STIL: variants seen among roughly 807,000 people sequenced by gnomAD.
STIL encodes the protein SCL-interrupting locus protein.
In STIL, 55 loss-of-function variants were observed where a neutral mutation model predicts 110.1. That is an observed-to-expected ratio of 0.50 (90% CI 0.40 to 0.63). The LOEUF (loss-of-function observed/expected upper bound fraction) is 0.63, where lower values mean the gene tolerates loss of function less well. STIL is among the 20% of genes least tolerant of loss of function. The pLI, the probability that STIL is intolerant of heterozygous loss-of-function variation, is 0.00. For synonymous variants in STIL, 481 were observed against 530.0 expected (o/e 0.91, Z 1.27); for missense variants, 1,358 against 1,530.0 (o/e 0.89, Z 1.87).
intron 1 of STIL, among the ~76,000 whole-genome samples, chr1:47,311,420 GACCACAGGCATTC>G (rs1646122531): frequency 6.6e-6 from 1 of 151,768 alleles, no homozygotes; most frequent in African/African-American, 2.4e-5. Flanking sequence ...GAATAGCTGG[GACCACAGGCATTC>G]ACCACTGCAC....
At chr1:47,301,435 A>G (rs1645801364) in intron 5 of STIL, 126 bp downstream of exon 5, 2 of 1,076,108 alleles carry the variant, frequency 1.9e-6, no homozygotes, top group Admixed American at 3.9e-5. Flanking sequence ...GTTGGATTTT[A>G]GGTTCACAAT....
At position 47,251,552 on chromosome 1, in the gene STIL, C is replaced by T. The variant is rs778920742; in HGVS notation, c.3451G>A (p.Glu1151Lys). The change falls in exon 17 of 17, where the codon GAA (glutamate) becomes AAA (lysine). Residue 1151 changes from glutamate (E) to lysine (K), a missense_variant. Glu to Lys is a moderately conservative substitution (Grantham distance 56). Transcript: ENST00000371877. ...CTAAGGTTCTGATTCAATAAATATT[C>T]ACTCTTGCTATCTGCATTGTCGGGA... ...EPPDNADSKSEYLLNQNLRSI... is the reference protein window; with the variant it reads ...EPPDNADSKSKYLLNQNLRSI... 6.2e-7 allele frequency: 1 copy of T among 1,614,134 alleles called. No individual in the cohort carries two copies. Among genetic ancestry groups the T allele is most frequent in the South Asian group, 1.1e-5 (1 of 91,080 alleles).
chr1:47,284,879 G>GA (rs137878786), intron 10 of STIL, among the ~76,000 whole-genome samples: 8,481 of 150,248 alleles, frequency 0.056, 799 homozygotes, highest in African/African-American at 0.2. Context: ...GACAGAGTGA[G>GA]ACCCTATCTC....
chr1:47,293,627 G>T, intron 7 of STIL, 83 bp from the exon 8 acceptor site: 1 of 1,146,438 alleles, frequency 8.7e-7, no homozygotes, highest in Non-Finnish European at 1.3e-6. Context: ...TAACAAAGTA[G>T]ACGTATGGCT....
chr1:47,251,622 A>G lies in STIL; in HGVS notation c.3381T>C (p.Tyr1127=), dbSNP rs149642382. ...TATTGTCACTGCTTTGTAGGAGTCC[A>G]TATCTCTTCATATATTTTTTGGTTG... The part of the protein sequence containing the change: ...SFATKKYMKR[Y]GLLQSSDNSE... The change falls in exon 17 of 17, where the codon TAT becomes TAC. Residue 1127 remains tyrosine (Y), a synonymous_variant. Coordinates refer to ENST00000371877, the MANE Select transcript of STIL (RefSeq NM_001048166.1). 30 of 1,614,036 alleles carry G rather than the reference A, an allele frequency of 1.9e-5. No homozygotes were observed. The highest frequency in any genetic ancestry group is 5.3e-5 in the African/African-American group (4 of 74,928).
intron 12 of STIL, among the ~76,000 whole-genome samples, chr1:47,272,853 A>G (rs1365055720): frequency 3.9e-5 from 6 of 152,214 alleles, no homozygotes; most frequent in Admixed American, 1.3e-4. Flanking sequence ...GATTGGAGGT[A>G]TACTCTGACT....
chr1:47,269,472 G>A (rs181159388), intron 14 of STIL, among the ~76,000 whole-genome samples, 163 bp downstream of exon 14: 1 of 152,126 alleles, frequency 6.6e-6, no homozygotes, highest in Non-Finnish European at 1.5e-5. Flanking sequence ...CACAGAAAAA[G>A]TTAAGTATGT....
At chr1:47,314,645 T>C (rs761310845), upstream of STIL, among the ~76,000 whole-genome samples, 6 of 152,224 alleles carry the variant, frequency 3.9e-5, no homozygotes, top group Admixed American at 1.3e-4. Flanking sequence ...ACATTTTTAA[T>C]TTTTCCTTTT....
At chr1:47,310,172 G>A (rs2149274694) in intron 2 of STIL, 104 bp downstream of exon 2, 1 of 1,169,736 alleles carries the variant, frequency 8.5e-7, no homozygotes, top group Admixed American at 2.0e-5. Context: ...TATGAACCCA[G>A]AATTTCCTGA....
At chr1:47,270,255 T>TATACACACAC (rs775684329) in intron 13 of STIL, among the ~76,000 whole-genome samples, 9 of 119,414 alleles carry the variant, frequency 7.5e-5, no homozygotes, top group African/African-American at 3.0e-4. Context: ...TATATATATA[T>TATACACACAC]ACACACACAC....
chr1:47,307,871 G>A (rs1646008839), intron 2 of STIL, among the ~76,000 whole-genome samples: 1 of 152,166 alleles, frequency 6.6e-6, no homozygotes, highest in Non-Finnish European at 1.5e-5. Flanking sequence ...GGCCCCCCCG[G>A]GGCGTACCTG....
chr1:47,313,323 C>G (rs1266393477), intron 1 of STIL, among the ~76,000 whole-genome samples: 1 of 121,328 alleles, frequency 8.2e-6, no homozygotes, highest in Non-Finnish European at 1.7e-5. Flanking sequence ...AACTGCGTCT[C>G]AAAAATAAAC....
At chr1:47,264,590 A>C (rs1644581922) in intron 14 of STIL, among the ~76,000 whole-genome samples, 1 of 152,176 alleles carries the variant, frequency 6.6e-6, no homozygotes, top group Non-Finnish European at 1.5e-5. Context: ...AAGGCAAATA[A>C]ATTTATCTTT....
chr1:47,263,548 A>C (rs1644543500), intron 14 of STIL, among the ~76,000 whole-genome samples: 1 of 152,154 alleles, frequency 6.6e-6, no homozygotes. Context: ...TTTCTATAAG[A>C]AACAAAAACG....
At chr1:47,292,711 AG>A (rs1396156545) in intron 8 of STIL, among the ~76,000 whole-genome samples, 1 of 152,234 alleles carries the variant, frequency 6.6e-6, no homozygotes, top group Non-Finnish European at 1.5e-5. Context: ...TATTTCAGGA[AG>A]GAAGCACAAG....
chr1:47,276,124 T>C (rs1308281907), intron 12 of STIL, among the ~76,000 whole-genome samples: 1 of 151,868 alleles, frequency 6.6e-6, no homozygotes, highest in East Asian at 1.9e-4. Flanking sequence ...TGCCTCAGCC[T>C]CCTAAGTAGC....
chr1:47,305,002 GA>G lies in STIL; in HGVS notation c.45-7del. 1 of 1,607,816 alleles carries G rather than the reference GA, an allele frequency of 6.2e-7. No homozygotes were observed. The highest frequency in any genetic ancestry group is 8.5e-7 in the Non-Finnish European group (1 of 1,174,680). On this transcript the variant is annotated splice_polypyrimidine_tract_variant and splice_region_variant and intron_variant, in intron 2 of 16. Coordinates refer to ENST00000371877, the MANE Select transcript of STIL (RefSeq NM_001048166.1). The stretch of plus-strand genomic sequence containing the variant: ...CCATCCTGCTTGAAGGAAACCTTTT[GA>G]AAAAACAATGTAAAATTAAAGCACA...
intron 1 of STIL, among the ~76,000 whole-genome samples, chr1:47,310,934 GC>G (rs1478040560): frequency 2.0e-5 from 3 of 151,828 alleles, no homozygotes; most frequent in African/African-American, 4.8e-5. Flanking sequence ...CTGCACCTCC[GC>G]CTCCTGGGTT....
intron 3 of STIL, among the ~76,000 whole-genome samples, chr1:47,303,003 A>G (rs1349284715): frequency 6.6e-6 from 1 of 152,220 alleles, no homozygotes; most frequent in Non-Finnish European, 1.5e-5. Flanking sequence ...ATTGAATACA[A>G]AATATAGTAT....
Sources: allele counts gnomAD v4.1 joint callset (sites outside exome capture counted in the v4.1 genomes callset), GRCh38; gene constraint gnomAD v4.1.1; transcripts MANE v1.5; gene names NCBI Gene and HGNC (gene_info 2026-07-23, HGNC 2026-07-21).